BCKDHB: variants seen among roughly 807,000 people sequenced by gnomAD.
The protein encoded by BCKDHB is 2-oxoisovalerate dehydrogenase subunit beta, mitochondrial.
Under a neutral mutation model 48.5 loss-of-function variants are expected in BCKDHB, and 41 were observed. The ratio of observed to expected loss-of-function variants is 0.85; its 90% CI spans 0.66 to 1.10. The LOEUF is 1.10. BCKDHB is among the 50% of genes least tolerant of loss of function. The pLI, the probability that BCKDHB is intolerant of heterozygous loss-of-function variation, is 0.00. For missense variants in BCKDHB, 496 were observed against 494.2 expected (o/e 1.00, Z -0.03); for synonymous variants, 201 against 174.8 (o/e 1.15, Z -1.18).
Position 80,343,794 on chromosome 6 carries a change from T to A in BCKDHB, c.1169T>A (p.Ile390Asn). 2 of 1,613,952 alleles carry A rather than the reference T, an allele frequency of 1.2e-6. No individual in the cohort carries two copies. The highest frequency in any genetic ancestry group is 8.5e-7 in the Non-Finnish European group (1 of 1,179,968). ...WKCYDALRKM[I>N]NY is the part of the protein sequence containing the mutation. ...TGTTATGATGCCCTTCGAAAAATGA[T>A]CAACTATTGACCATATAGGTAGGTA... The change falls in exon 10 of 10, where the codon ATC becomes AAC. Residue 390 changes from isoleucine to asparagine, a missense_variant. Transcript: ENST00000320393.
intron 8 of BCKDHB, among the ~76,000 whole-genome samples, chr6:80,218,137 A>C (rs899323209): frequency 2.0e-5 from 3 of 152,044 alleles, no homozygotes; most frequent in Admixed American, 1.3e-4. Flanking sequence ...GGTTGCCGCC[A>C]CTTCTCACTG....
At chr6:80,265,359 A>G (rs184957412) in intron 8 of BCKDHB, among the ~76,000 whole-genome samples, 1 of 152,234 alleles carries the variant, frequency 6.6e-6, no homozygotes, top group East Asian at 1.9e-4. Flanking sequence ...ATACAGTGGG[A>G]TATTACTGTT....
At chr6:80,454,280 A>G in the BCKDHB span, 1 of 152,216 alleles carries the variant, frequency 6.6e-6, no homozygotes, top group African/African-American at 2.4e-5. Flanking sequence ...GACTAGAAAT[A>G]CACACTGTCT....
intron 3 of BCKDHB, 114 bp from the exon 4 acceptor site, chr6:80,167,562 CCT>C: frequency 8.8e-7 from 1 of 1,131,664 alleles, no homozygotes; most frequent in Non-Finnish European, 1.3e-6. Context: ...TTTTCTGTTT[CCT>C]CTACCTGTTC....
intron 8 of BCKDHB, among the ~76,000 whole-genome samples, chr6:80,221,145 A>G (rs1385109650): frequency 6.6e-6 from 1 of 152,112 alleles, no homozygotes; most frequent in East Asian, 1.9e-4. Context: ...CTCAATTCTT[A>G]TACTCACCTC....
intron 9 of BCKDHB, among the ~76,000 whole-genome samples, chr6:80,281,327 TG>T (rs1778185198): frequency 6.6e-6 from 1 of 151,502 alleles, no homozygotes. Context: ...TGAGAGGGAG[TG>T]GCTTCAGAAA....
the BCKDHB span, among the ~76,000 whole-genome samples, chr6:80,443,710 A>C: frequency 1.3e-5 from 2 of 152,024 alleles, no homozygotes; most frequent in African/African-American, 4.8e-5. Flanking sequence ...GGGTCTCATC[A>C]TGTTGCCCAG....
At chr6:80,304,406 T>C (rs1361108963) in intron 9 of BCKDHB, among the ~76,000 whole-genome samples, 1 of 152,150 alleles carries the variant, frequency 6.6e-6, no homozygotes, top group Non-Finnish European at 1.5e-5. Flanking sequence ...AAGTGAAAAC[T>C]GTTAAAGGTG....
chr6:80,385,247 G>A, the BCKDHB span, among the ~76,000 whole-genome samples: 43,285 of 152,058 alleles, frequency 0.28, 7,617 homozygotes, highest in East Asian at 0.55. Flanking sequence ...TGCCCTGAGT[G>A]AGAGTCTTAT....
chr6:80,394,906 T>C, the BCKDHB span, among the ~76,000 whole-genome samples: 1 of 152,178 alleles, frequency 6.6e-6, no homozygotes, highest in African/African-American at 2.4e-5. Context: ...GATAGTGAGT[T>C]CTCAGGTGAT....
chr6:80,374,451 T>C, the BCKDHB span: 171 of 758,190 alleles, frequency 2.3e-4, 2 homozygotes, highest in South Asian at 2.3e-3. Flanking sequence ...TTTTCATATA[T>C]GCATACCCTT....
intron 8 of BCKDHB, among the ~76,000 whole-genome samples, chr6:80,258,621 T>C (rs543412236): frequency 6.6e-6 from 1 of 152,210 alleles, no homozygotes; most frequent in Non-Finnish European, 1.5e-5. Flanking sequence ...GGAGAGTGAG[T>C]ACCTGCCTTT....
intron 6 of BCKDHB, among the ~76,000 whole-genome samples, chr6:80,180,539 T>G (rs1031492308): frequency 2.6e-5 from 4 of 152,240 alleles, no homozygotes; most frequent in African/African-American, 9.6e-5. Context: ...GATTTTCATC[T>G]GTGATTCTTC....
chr6:80,168,302 A>G (rs1772679172), intron 4 of BCKDHB, among the ~76,000 whole-genome samples: 1 of 142,900 alleles, frequency 7.0e-6, no homozygotes, highest in Non-Finnish European at 1.6e-5. Context: ...GAAGAGAGAA[A>G]GAAAGAAAGA....
chr6:80,257,791 T>C (rs1777116393), intron 8 of BCKDHB, among the ~76,000 whole-genome samples: 1 of 151,868 alleles, frequency 6.6e-6, no homozygotes, highest in Non-Finnish European at 1.5e-5. Context: ...GAGCCTAGAG[T>C]TGTTGCCCAA....
At chr6:80,388,658 G>C in the BCKDHB span, among the ~76,000 whole-genome samples, 2 of 152,168 alleles carry the variant, frequency 1.3e-5, no homozygotes, top group East Asian at 3.8e-4. Flanking sequence ...AAATGCCCAT[G>C]ATCTCTTCTC....
chr6:80,167,749 A>G lies in BCKDHB; in HGVS notation c.415A>G (p.Thr139Ala), dbSNP rs1423382193. ...IVGFGIGIAV[T>A]GATAIAEIQF... ...TGGATTTGGAATCGGAATTGCGGTC[A>G]CTGGAGCTACTGCCATTGCGGAAAT... is the stretch of plus-strand genomic sequence containing the variant. The change falls in exon 4 of 10, where the codon ACT (threonine) becomes GCT (alanine). Residue 139 changes from threonine (T) to alanine (A), a missense_variant. Thr to Ala is a moderately conservative substitution (Grantham distance 58). Transcript: ENST00000320393. 1.2e-6 allele frequency: 2 copies of G among 1,613,644 alleles called. No homozygotes were observed. Among genetic ancestry groups the G allele is most frequent in the Non-Finnish European group, 1.7e-6 (2 of 1,179,574 alleles).
At chr6:80,359,058 T>C in the BCKDHB span, among the ~76,000 whole-genome samples, 21 of 152,214 alleles carry the variant, frequency 1.4e-4, no homozygotes, top group Admixed American at 3.9e-4. Flanking sequence ...AGTTCGAATC[T>C]CTCCCCTAAT....
the BCKDHB span, among the ~76,000 whole-genome samples, chr6:80,434,449 G>A: frequency 1.6e-4 from 24 of 151,184 alleles, no homozygotes; most frequent in Middle Eastern, 3.4e-3. Flanking sequence ...GTCCTATGTA[G>A]GTCTATTTCT....
Sources: allele counts gnomAD v4.1 joint callset (sites outside exome capture counted in the v4.1 genomes callset), GRCh38; gene constraint gnomAD v4.1.1; transcripts MANE v1.5; gene names NCBI Gene and HGNC (gene_info 2026-07-23, HGNC 2026-07-21).